The following COL4A4 variants were observed in gnomAD, a reference collection of about 807,000 sequenced individuals.
COL4A4 encodes the protein collagen alpha-4(IV) chain.
In COL4A4, 105 loss-of-function variants were observed where a neutral mutation model predicts 192.9. That is an observed-to-expected ratio of 0.54 (90% CI 0.46 to 0.64). COL4A4 has a LOEUF of 0.64. COL4A4 is among the 30% of genes least tolerant of loss of function. COL4A4 has a pLI of 0.00. For synonymous variants in COL4A4, 762 were observed against 769.9 expected, an observed-to-expected ratio of 0.99 and a Z score of 0.17; for missense variants, 1,967 against 2,169.3, an observed-to-expected ratio of 0.91 and a Z score of 1.85.
the COL4A4 span, among the ~76,000 whole-genome samples, chr2:226,994,994 C>T: frequency 6.6e-6 from 1 of 151,606 alleles, no homozygotes; most frequent in South Asian, 2.1e-4. Context: ...GGAGGCGGCA[C>T]ATTAGAGGGA....
chr2:227,137,548 A>G (rs1201810011), intron 4 of COL4A4, among the ~76,000 whole-genome samples: 2 of 152,206 alleles, frequency 1.3e-5, no homozygotes, highest in African/African-American at 4.8e-5. Flanking sequence ...GGGCTTCTCA[A>G]TCTTGGCACA....
At chr2:226,996,454 T>A in the COL4A4 span, 3 of 152,238 alleles carry the variant, frequency 2.0e-5, no homozygotes, top group African/African-American at 7.2e-5. Flanking sequence ...CACGTTACAA[T>A]CCACAGATTG....
chr2:227,123,381 C>G lies in COL4A4; in HGVS notation c.193-2233G>C, dbSNP rs1434673167. Among the ~76,000 whole-genome samples, 9 of 152,216 alleles carry G rather than the reference C, an allele frequency of 5.9e-5. No individual in the cohort carries two copies. ...CAGGAAAGCCCTCACAGCCTGACTT[C>G]ATCAGGGTGCTCCAGGAGCAACACA... On this transcript the variant is annotated intron_variant, in intron 4 of 47. Coordinates refer to ENST00000396625, the MANE Select transcript of COL4A4 (RefSeq NM_000092.5). This position sits in a 1 kb window ranked among gnomAD's most constrained non-coding sequence, Gnocchi z 4.6.
At chr2:227,046,976 T>C (rs898936448) in intron 35 of COL4A4, among the ~76,000 whole-genome samples, 1 of 152,106 alleles carries the variant, frequency 6.6e-6, no homozygotes, top group Non-Finnish European at 1.5e-5. Flanking sequence ...TGATTTGGTT[T>C]GATTTTTAGT....
At chr2:227,106,612 C>A in intron 12 of COL4A4, among the ~76,000 whole-genome samples, 1 of 152,308 alleles carries the variant, frequency 6.6e-6, no homozygotes, top group East Asian at 1.9e-4. Context: ...GTCACCCAGG[C>A]TGGAGTGAAA....
chr2:227,140,469 T>C (rs1159032540), intron 3 of COL4A4, among the ~76,000 whole-genome samples: 1 of 152,218 alleles, frequency 6.6e-6, no homozygotes, highest in Non-Finnish European at 1.5e-5. Flanking sequence ...ATAAGTATCC[T>C]TCTAAAGTCG....
At chr2:227,028,113 C>T in intron 41 of COL4A4, 104 bp from the exon 42 acceptor site, 1 of 824,254 alleles carries the variant, frequency 1.2e-6, no homozygotes, top group Non-Finnish European at 2.0e-6. Flanking sequence ...CAACAAAATG[C>T]AGGGCATAGC....
At position 227,028,676 on chromosome 2, in the gene COL4A4, T is replaced by G. The variant is rs182299991; in HGVS notation, c.3974-667A>C. On this transcript the variant is annotated intron_variant, in intron 41 of 47. Transcript: ENST00000396625. The stretch of plus-strand genomic sequence containing the variant: ...TTATTATTATTATTATTATTATTAT[T>G]ATTATTATTTGCTCCATTACCCAGG... Among the ~76,000 whole-genome samples the G allele has an allele frequency of 2.7e-3, 406 of 148,828 alleles. 1 individual carries two copies. The highest frequency in any genetic ancestry group is 5.9e-3 in the South Asian group (28 of 4,746).
chr2:227,070,074 C>G (rs2058616811), intron 25 of COL4A4, among the ~76,000 whole-genome samples: 1 of 151,948 alleles, frequency 6.6e-6, no homozygotes, highest in African/African-American at 2.4e-5. Context: ...TGAACAGACA[C>G]TTCTCAAAAG....
chr2:227,116,365 C>G (rs79697352), intron 7 of COL4A4, among the ~76,000 whole-genome samples: 5,245 of 152,244 alleles, frequency 0.034, 297 homozygotes, highest in African/African-American at 0.12. Flanking sequence ...ATCCAAAGAA[C>G]ATCTCTGGGA....
At chr2:226,991,492 C>T in the COL4A4 span, among the ~76,000 whole-genome samples, 139 of 152,300 alleles carry the variant, frequency 9.1e-4, no homozygotes, top group African/African-American at 3.3e-3. Context: ...TTTTGTATAT[C>T]TCTTATACAG....
In COL4A4 at chr2:227,118,714, G is replaced by A. The variant is rs373582793; in HGVS notation, c.420C>T (p.Gly140=). Residue 140 remains glycine (G), a synonymous_variant, in exon 7 of 48, where the codon GGC becomes GGT. Transcript: ENST00000396625. ...CTGGGTCACCTCTTGAGCCATTGTGGCCACTCATACCAGGTTTGCCTCTGG... is the reference window on the plus strand; with the variant it reads ...CTGGGTCACCTCTTGAGCCATTGTGACCACTCATACCAGGTTTGCCTCTGG... The part of the protein sequence containing the change: ...PGPRGKPGMS[G]HNGSRGDPGF... The A allele has an allele frequency of 1.2e-6, 2 of 1,613,830 alleles. No individual in the cohort carries two copies. The highest frequency in any genetic ancestry group is 1.3e-5 in the African/African-American group (1 of 74,920).
intron 17 of COL4A4, among the ~76,000 whole-genome samples, chr2:227,100,060 G>T (rs564988427): frequency 6.6e-6 from 1 of 152,156 alleles, no homozygotes; most frequent in Non-Finnish European, 1.5e-5. Flanking sequence ...AACAAGGTCC[G>T]AATCTACATT....
intron 37 of COL4A4, among the ~76,000 whole-genome samples, chr2:227,041,848 G>GAGAAAGAAAGAAAGAAAGAA (rs71036154): frequency 1.5e-4 from 6 of 38,728 alleles, no homozygotes; most frequent in African/African-American, 2.5e-4. Context: ...AAGAAAGAAA[G>GAGAAAGAAAGAAAGAAAGAA]AGAAAGAAAG....
the COL4A4 span, among the ~76,000 whole-genome samples, chr2:226,969,478 ATG>A: frequency 1.3e-5 from 2 of 150,040 alleles, no homozygotes; most frequent in Non-Finnish European, 2.9e-5. Flanking sequence ...TTTATTATAA[ATG>A]TGTTGAATAC....
chr2:227,135,367 G>T (rs1011582091), intron 4 of COL4A4, among the ~76,000 whole-genome samples: 7 of 152,112 alleles, frequency 4.6e-5, no homozygotes, highest in Non-Finnish European at 1.0e-4. Context: ...ACCTTAAAAG[G>T]TCCAAGAGCT....
At chr2:227,021,957 C>A in intron 44 of COL4A4, 91 bp downstream of exon 44, 3 of 1,445,488 alleles carry the variant, frequency 2.1e-6, no homozygotes, top group South Asian at 1.3e-5. Flanking sequence ...GTAGTTTAGG[C>A]TCCATATAAA....
chr2:227,074,307 C>T (rs2058895753), intron 25 of COL4A4, among the ~76,000 whole-genome samples: 1 of 152,094 alleles, frequency 6.6e-6, no homozygotes, highest in African/African-American at 2.4e-5. Flanking sequence ...AAATACTCAA[C>T]ATCACTAATC....
chr2:227,130,691 C>CT, intron 4 of COL4A4, among the ~76,000 whole-genome samples: 1 of 152,322 alleles, frequency 6.6e-6, no homozygotes, highest in East Asian at 1.9e-4. Context: ...TAACCCAGAC[C>CT]TTTCTTTCTG....
Sources: gnomAD v4.1 joint callset for allele counts (sites outside exome capture counted in the v4.1 genomes callset) on GRCh38, gnomAD v4.1.1 for gene constraint, Gnocchi (gnomAD v3.1) non-coding constraint, MANE v1.5 for transcripts, NCBI Gene and HGNC (gene_info 2026-07-23, HGNC 2026-07-21) for gene names.